Variants in AUTS2 observed in about 807,000 individuals in gnomAD.
The protein encoded by AUTS2 is activator of transcription and developmental regulator AUTS2, also known as autism susceptibility gene 2 protein.
Under a neutral mutation model 112.4 loss-of-function variants are expected in AUTS2, and 17 were observed. The ratio of observed to expected loss-of-function variants is 0.15; its 90% CI spans 0.10 to 0.23. The LOEUF (loss-of-function observed/expected upper bound fraction) is 0.23, where lower values mean the gene tolerates loss of function less well. AUTS2 is among the 10% of genes least tolerant of loss of function. The pLI is 1.00. For synonymous variants in AUTS2, 751 were observed against 702.7 expected (o/e 1.07, Z -1.09); for missense variants, 1,510 against 1,701.6 (o/e 0.89, Z 1.98).
intron 4 of AUTS2, among the ~76,000 whole-genome samples, chr7:70,427,064 G>A (rs894210031): frequency 2.2e-4 from 34 of 152,086 alleles, no homozygotes; most frequent in African/African-American, 6.0e-4. Flanking sequence ...TTACAGAGGG[G>A]TCACAAATAG....
intron 1 of AUTS2, among the ~76,000 whole-genome samples, chr7:69,838,428 C>T (rs1435572087): frequency 6.6e-6 from 1 of 152,088 alleles, no homozygotes; most frequent in African/African-American, 2.4e-5. Flanking sequence ...GTATTATTAT[C>T]CCTGTTTTAC....
intron 5 of AUTS2, among the ~76,000 whole-genome samples, chr7:70,566,221 C>T (rs1241297573): frequency 6.6e-6 from 1 of 152,174 alleles, no homozygotes; most frequent in Non-Finnish European, 1.5e-5. Flanking sequence ...AACAGACTTC[C>T]TTTTCTGGTC....
At position 69,971,103 on chromosome 7, in the gene AUTS2, G is replaced by A. The variant is rs150954665; in HGVS notation, c.522+71605G>A. 2.9e-3 allele frequency among the ~76,000 whole-genome samples: 436 copies of A among 152,224 alleles called. 1 individual carries two copies. The highest frequency in any genetic ancestry group is 9.7e-3 in the African/African-American group (401 of 41,544). On this transcript the variant is annotated intron_variant, in intron 2 of 18. Coordinates refer to ENST00000342771, the MANE Select transcript of AUTS2 (RefSeq NM_015570.4). ...TGAGGTGGGAGGTTCACCTGAGCCT[G>A]GGAGGTCGAGGCTGCAGTGGGCTAT...
intron 1 of AUTS2, among the ~76,000 whole-genome samples, chr7:69,764,045 T>C (rs1341082878): frequency 3.3e-5 from 5 of 152,334 alleles, no homozygotes; most frequent in East Asian, 1.9e-4. Context: ...GCAGGTCTTA[T>C]TTGTTTCTTA....
At chr7:70,252,739 G>A (rs922609187) in intron 4 of AUTS2, among the ~76,000 whole-genome samples, 2 of 152,010 alleles carry the variant, frequency 1.3e-5, no homozygotes, top group African/African-American at 4.8e-5. Context: ...TAAGTTTTCA[G>A]TCCATTTTGA....
Position 70,777,189 on chromosome 7 carries a change from C to G in AUTS2, c.2004+15C>G. 1 of 1,611,206 alleles carries G rather than the reference C, an allele frequency of 6.2e-7. No homozygotes were observed. Among genetic ancestry groups the G allele is most frequent in the Non-Finnish European group, 8.5e-7 (1 of 1,177,368 alleles). ...AGAAAGTCAAGGTCAGTCCGACCTT[C>G]GTGGTGTAGGGAAGAATGGGATGCA... On this transcript the variant is annotated intron_variant, in intron 14 of 18. Coordinates refer to ENST00000342771, the MANE Select transcript of AUTS2 (RefSeq NM_015570.4).
At chr7:70,647,170 A>T (rs1219227529) in intron 5 of AUTS2, among the ~76,000 whole-genome samples, 1 of 152,194 alleles carries the variant, frequency 6.6e-6, no homozygotes, top group Non-Finnish European at 1.5e-5. Context: ...CCCTGAGCTG[A>T]TATAAAGGAG....
intron 5 of AUTS2, among the ~76,000 whole-genome samples, chr7:70,576,123 T>C (rs1012040254): frequency 6.6e-6 from 1 of 152,088 alleles, no homozygotes; most frequent in Non-Finnish European, 1.5e-5. Context: ...TCTAGGCAGA[T>C]GTACATTTTT....
chr7:69,874,986 C>T (rs942043542), intron 1 of AUTS2, among the ~76,000 whole-genome samples: 2 of 151,630 alleles, frequency 1.3e-5, no homozygotes, highest in Admixed American at 6.6e-5. Context: ...CTCGTGATGC[C>T]TCCCTGAACC....
chr7:69,796,663 T>C (rs1789857929), intron 1 of AUTS2, among the ~76,000 whole-genome samples: 1 of 152,120 alleles, frequency 6.6e-6, no homozygotes, highest in African/African-American at 2.4e-5. Context: ...AATTGAACAA[T>C]TGTGGGAATA....
chr7:70,458,326 C>G (rs1278781706), intron 5 of AUTS2, among the ~76,000 whole-genome samples: 2 of 152,206 alleles, frequency 1.3e-5, no homozygotes, highest in African/African-American at 4.8e-5. Flanking sequence ...AAACAGCAAC[C>G]TCTATTACAT....
intron 5 of AUTS2, among the ~76,000 whole-genome samples, chr7:70,697,996 C>T (rs1341799657): frequency 2.0e-5 from 3 of 152,028 alleles, no homozygotes; most frequent in East Asian, 1.9e-4. Flanking sequence ...GCATAGTGGT[C>T]GGATTTTGGG....
At chr7:70,622,225 C>T (rs1557972) in intron 5 of AUTS2, among the ~76,000 whole-genome samples, 24 of 151,790 alleles carry the variant, frequency 1.6e-4, no homozygotes, top group African/African-American at 5.3e-4. Flanking sequence ...ATTTCTCTGT[C>T]GTCTCTTACA....
At chr7:70,114,315 C>G (rs1193182863) in intron 2 of AUTS2, among the ~76,000 whole-genome samples, 1 of 152,180 alleles carries the variant, frequency 6.6e-6, no homozygotes, top group Non-Finnish European at 1.5e-5. Context: ...GCCATGGATG[C>G]TCATACAAAT....
intron 5 of AUTS2, among the ~76,000 whole-genome samples, chr7:70,454,218 C>T (rs936804344): frequency 2.6e-5 from 4 of 152,074 alleles, no homozygotes; most frequent in African/African-American, 4.8e-5. Context: ...GAAGGTAACG[C>T]TGTTTTTTAA....
intron 2 of AUTS2, among the ~76,000 whole-genome samples, chr7:70,084,715 A>T (rs1352566339): frequency 1.3e-5 from 2 of 152,138 alleles, no homozygotes; most frequent in African/African-American, 2.4e-5. Context: ...GCCAATTTTT[A>T]AAAATTACAT....
In AUTS2 at chr7:70,763,207, G is replaced by A. The variant is rs1273288734; in HGVS notation, c.1080G>A (p.Arg360=). Residue 360 remains arginine, a synonymous_variant, in exon 7 of 19, where the codon AGG becomes AGA. Coordinates refer to ENST00000342771, the MANE Select transcript of AUTS2 (RefSeq NM_015570.4). The part of the protein sequence containing the change: ...LQPAPQPQVQ[R]PPRPQSPTQL... Reference sequence around the variant, plus strand: ...CTGCCCCGCAGCCTCAGGTGCAGAGGCCACCCAGGCCACAGTCCCCCACCC... The same window carrying A: ...CTGCCCCGCAGCCTCAGGTGCAGAGACCACCCAGGCCACAGTCCCCCACCC... The A allele has an allele frequency of 6.2e-7, 1 of 1,613,880 alleles. No homozygotes were observed. The highest frequency in any genetic ancestry group is 1.3e-5 in the African/African-American group (1 of 74,880).
intron 5 of AUTS2, among the ~76,000 whole-genome samples, chr7:70,638,835 G>A (rs935466758): frequency 2.6e-5 from 4 of 152,098 alleles, no homozygotes; most frequent in Non-Finnish European, 5.9e-5. Context: ...CTTAAATCTC[G>A]GTCCATTGTA....
chr7:70,131,779 T>C (rs190605078), intron 3 of AUTS2, among the ~76,000 whole-genome samples: 5 of 152,018 alleles, frequency 3.3e-5, no homozygotes, highest in Non-Finnish European at 5.9e-5. Context: ...ACCTCAGGGA[T>C]ATATGATACG....
Sources: gnomAD v4.1 joint callset for allele counts (sites outside exome capture counted in the v4.1 genomes callset) on GRCh38, gnomAD v4.1.1 for gene constraint, MANE v1.5 for transcripts, NCBI Gene and HGNC (gene_info 2026-07-23, HGNC 2026-07-21) for gene names.